The following RBM41 variants were observed in gnomAD, a reference collection of about 807,000 sequenced individuals.
RBM41 encodes RNA-binding protein 41.
RBM41 carries 14 observed loss-of-function variants against 30.8 expected under a neutral mutation model. The ratio of observed to expected loss-of-function variants is 0.45; its 90% CI spans 0.30 to 0.71. The LOEUF (loss-of-function observed/expected upper bound fraction) is 0.71. Among genes scored for constraint, RBM41 ranks in the 30% least tolerant of loss-of-function variants. The probability of loss-of-function intolerance (pLI) is 0.08; values close to 1 mark genes in which losing one functional copy is unlikely to be tolerated. For synonymous variants in RBM41, 120 were observed against 110.1 expected (o/e 1.09, Z -0.56); for missense variants, 276 against 326.3 (o/e 0.85, Z 1.19).
At chrX:107,096,639 G>A (rs1057465646) in intron 5 of RBM41, among the ~76,000 whole-genome samples, 1 of 110,850 alleles carries the variant, frequency 9.0e-6, no homozygotes, top group Non-Finnish European at 1.9e-5. Context: ...AAGACTATAA[G>A]TACTCCAGAA....
At chrX:107,118,389 G>T (rs1925068533) in intron 1 of RBM41, among the ~76,000 whole-genome samples, 1 of 111,717 alleles carries the variant, frequency 9.0e-6, no homozygotes, top group African/African-American at 3.3e-5. Flanking sequence ...GGTGGAGGTG[G>T]AGGTAGGGGA....
chrX:107,093,089 T>TA (rs919556569), intron 5 of RBM41, among the ~76,000 whole-genome samples: 1 of 111,340 alleles, frequency 9.0e-6, no homozygotes, highest in Non-Finnish European at 1.9e-5. Context: ...ATAAATACAC[T>TA]AAAAAATAAT....
intron 1 of RBM41, among the ~76,000 whole-genome samples, chrX:107,117,862 C>A (rs947543202): frequency 1.8e-5 from 2 of 111,377 alleles, no homozygotes; most frequent in Non-Finnish European, 3.8e-5. Flanking sequence ...ATTTCTTAAG[C>A]TTGTAGTGGA....
At chrX:107,074,956 A>G (rs1936180692) in intron 6 of RBM41, among the ~76,000 whole-genome samples, 1 of 111,938 alleles carries the variant, frequency 8.9e-6, no homozygotes, top group African/African-American at 3.2e-5. Context: ...AGTACCCACA[A>G]CAATCTTGGG....
intron 6 of RBM41, among the ~76,000 whole-genome samples, chrX:107,081,220 A>AT (rs35998161): frequency 0.18 from 19,128 of 106,829 alleles, 1,814 homozygotes; most frequent in Non-Finnish European, 0.26. Context: ...ATCTAGATTC[A>AT]TTTTTTTTTT....
intron 6 of RBM41, among the ~76,000 whole-genome samples, chrX:107,079,395 TAA>T (rs1921300692): frequency 9.0e-6 from 1 of 110,719 alleles, no homozygotes; most frequent in African/African-American, 3.3e-5. Context: ...TATGCATGTA[TAA>T]GAGTATCAGA....
intron 5 of RBM41, among the ~76,000 whole-genome samples, chrX:107,112,272 G>A (rs912578219): frequency 3.1e-4 from 35 of 111,523 alleles, no homozygotes; most frequent in African/African-American, 1.1e-3. Context: ...TGGCAAATAA[G>A]CAAATGAAAG....
At chrX:107,091,012 A>G (rs1395599123) in intron 5 of RBM41, among the ~76,000 whole-genome samples, 2 of 105,589 alleles carry the variant, frequency 1.9e-5, no homozygotes, top group East Asian at 5.9e-4. Flanking sequence ...CCCTGTGTCC[A>G]TGTGTTCTCA....
chrX:107,075,329 C>T (rs1294484151), intron 6 of RBM41, among the ~76,000 whole-genome samples: 1 of 111,690 alleles, frequency 9.0e-6, no homozygotes, highest in East Asian at 2.8e-4. Context: ...AGAGGAAAAC[C>T]TTCTTCACAT....
chrX:107,115,423 T>C lies in RBM41; in HGVS notation c.452A>G (p.Glu151Gly). The stretch of plus-strand genomic sequence containing the variant: ...AAATAAAGACTTTTCTATTTCCATT[T>C]CTCGCCGGGTCAGCTGTTTGCTCTT... ...FAKSKQLTRR[E>G]MEIEKSLFQG... is the part of the protein sequence containing the mutation. Residue 151 changes from glutamate to glycine, a missense_variant, in exon 4 of 8, where the codon GAA (glutamate) becomes GGA (glycine). Coordinates refer to ENST00000685964, the MANE Select transcript of RBM41 (RefSeq NM_001324242.2). 8.3e-7 allele frequency: 1 copy of C among 1,211,849 alleles called. No homozygotes were observed. The highest frequency in any genetic ancestry group is 1.1e-6 in the Non-Finnish European group (1 of 895,513).
chrX:107,107,461 G>A (rs1163335103), intron 5 of RBM41, among the ~76,000 whole-genome samples: 2 of 111,843 alleles, frequency 1.8e-5, no homozygotes, highest in African/African-American at 3.2e-5. Context: ...TATTTATAAG[G>A]AATGAAATAG....
At chrX:107,116,954 C>G (rs1238703453) in intron 1 of RBM41, among the ~76,000 whole-genome samples, 188 bp from the exon 2 acceptor site, 1 of 112,597 alleles carries the variant, frequency 8.9e-6, no homozygotes, top group Non-Finnish European at 1.9e-5. Context: ...AGGCACTATG[C>G]TAGGTACTGA....
Position 107,065,869 on chromosome X carries a change from A to T in RBM41, c.*1658T>A, listed in dbSNP as rs945835302. On this transcript the variant is annotated 3_prime_UTR_variant, in exon 8 of 8. Transcript: ENST00000685964. Reference sequence around the variant, plus strand: ...ACATTAGTTAAGAGAAAAAAGAAAAATGCATAGATTGTTTCTGATAATTAC... The same window carrying T: ...ACATTAGTTAAGAGAAAAAAGAAAATTGCATAGATTGTTTCTGATAATTAC... The T allele has an allele frequency of 6.7e-6, 5 of 742,260 alleles. No homozygotes were observed. In the African/African-American group the frequency reaches 8.9e-5, roughly 13 times the overall value. The allele number at this position is 742,260 out of a possible 1,213,427, so 61.2% of individuals were successfully genotyped here. A position where few individuals can be genotyped will look rare whatever the true frequency, so the allele number is the denominator to read the frequency against.
intron 5 of RBM41, among the ~76,000 whole-genome samples, chrX:107,100,914 ATACTT>A (rs1363933929): frequency 8.9e-6 from 1 of 112,371 alleles, no homozygotes; most frequent in Non-Finnish European, 1.9e-5. Context: ...ATACTATACT[ATACTT>A]CAATGAAAAT....
intron 6 of RBM41, among the ~76,000 whole-genome samples, chrX:107,081,655 C>T (rs1921530451): frequency 8.9e-6 from 1 of 112,197 alleles, no homozygotes; most frequent in Admixed American, 9.4e-5. Flanking sequence ...CAAAATGTCT[C>T]TGTGTTTATT....
At position 107,115,413 on chromosome X, in the gene RBM41, T is replaced by C; in HGVS notation, c.462A>G (p.Ile154Met). 1 of 1,212,020 alleles carries C rather than the reference T, an allele frequency of 8.3e-7. No individual in the cohort carries two copies. The highest frequency in any genetic ancestry group is 1.1e-6 in the Non-Finnish European group (1 of 895,547). Residue 154 changes from isoleucine (I) to methionine (M), a missense_variant, in exon 4 of 8, where the codon ATA becomes ATG. Transcript: ENST00000685964. ...CAGCTCCCTGAAATAAAGACTTTTC[T>C]ATTTCCATTTCTCGCCGGGTCAGCT... ...SKQLTRREME[I>M]EKSLFQGADR... is the part of the protein sequence containing the mutation.
Position 107,067,275 on chromosome X carries a change from T to TTCA in RBM41, c.*249_*251dup. 4 of 881,299 alleles carry TTCA rather than the reference T, an allele frequency of 4.5e-6. No homozygotes were observed. The highest frequency in any genetic ancestry group is 5.6e-6 in the Non-Finnish European group (4 of 718,972). The allele number at this position is 881,299 out of a possible 1,213,427, so 72.6% of individuals were successfully genotyped here. A position where few individuals can be genotyped will look rare whatever the true frequency, so the allele number is the denominator to read the frequency against. On this transcript the variant is annotated 3_prime_UTR_variant, in exon 8 of 8. Transcript: ENST00000685964. Reference sequence around the variant, plus strand: ...AATCCTTAGGAATAATCCGTTGTAATTCATCCTGAGAAAATAATACTCTTT... The same window carrying TTCA: ...AATCCTTAGGAATAATCCGTTGTAATTCATCATCCTGAGAAAATAATACTCTTT...
intron 6 of RBM41, among the ~76,000 whole-genome samples, chrX:107,075,361 T>C (rs1302745650): frequency 8.9e-6 from 1 of 111,992 alleles, no homozygotes; most frequent in African/African-American, 3.2e-5. Flanking sequence ...ATGATTTCTT[T>C]GCTATGACAC....
chrX:107,056,157 T>A, the RBM41 span, among the ~76,000 whole-genome samples: 1 of 112,075 alleles, frequency 8.9e-6, no homozygotes, highest in Non-Finnish European at 1.9e-5. Context: ...GATGATCATG[T>A]GTTTTTTTCC....
Sources: gnomAD v4.1 joint callset for allele counts (sites outside exome capture counted in the v4.1 genomes callset) on GRCh38, gnomAD v4.1.1 for gene constraint, MANE v1.5 for transcripts, NCBI Gene and HGNC (gene_info 2026-07-23, HGNC 2026-07-21) for gene names.